Variants in MAST4 observed in about 807,000 individuals in gnomAD.
MAST4 encodes microtubule associated serine/threonine kinase family member 4, also known as microtubule-associated serine/threonine-protein kinase 4.
In MAST4, 89 loss-of-function variants were observed where a neutral mutation model predicts 162.7. That is an observed-to-expected ratio of 0.55 (90% confidence interval 0.46 to 0.65). The LOEUF (loss-of-function observed/expected upper bound fraction) is 0.65. Ranked by LOEUF, MAST4 falls within the 30% of genes least tolerant of loss-of-function variation. The probability of loss-of-function intolerance (pLI) is 0.00; values close to 1 mark genes in which losing one functional copy is unlikely to be tolerated. For missense variants in MAST4, 3,153 were observed against 3,374.0 expected, an observed-to-expected ratio of 0.93 and a Z score of 1.62; for synonymous variants, 1,479 against 1,361.1, an observed-to-expected ratio of 1.09 and a Z score of -1.91.
chr5:66,692,483 C>T (rs549226089), intron 1 of MAST4, among the ~76,000 whole-genome samples: 18 of 151,678 alleles, frequency 1.2e-4, no homozygotes, highest in Admixed American at 4.6e-4. Context: ...GGGAATAGCC[C>T]ATGTTCATCT....
chr5:67,033,311 T>TTGTGTG (rs1441631112), intron 4 of MAST4, among the ~76,000 whole-genome samples: 5 of 87,760 alleles, frequency 5.7e-5, no homozygotes, highest in Non-Finnish European at 1.1e-4. Flanking sequence ...GGGTTTTCAT[T>TTGTGTG]TCTCTGTGTG....
Position 67,102,529 on chromosome 5 carries a change from C to CT in MAST4, c.1071-5dup. ...AAGTTTAAAAGGGTAATTTGCTTTG[C>CT]TTGCAGCCCTGGACGTTCTCCCGCC... On this transcript the variant is annotated splice_polypyrimidine_tract_variant and splice_region_variant and intron_variant, in intron 8 of 28. Coordinates refer to ENST00000403625, the MANE Select transcript of MAST4 (RefSeq NM_001164664.2). The CT allele has an allele frequency of 1.2e-6, 2 of 1,613,602 alleles. No homozygotes were observed. The highest frequency in any genetic ancestry group is 1.7e-6 in the Non-Finnish European group (2 of 1,179,558).
chr5:67,058,182 C>T (rs1759092239), intron 5 of MAST4, among the ~76,000 whole-genome samples: 1 of 152,246 alleles, frequency 6.6e-6, no homozygotes, highest in African/African-American at 2.4e-5. Context: ...CTGCAGTGAG[C>T]TATAATGGTG....
chr5:66,855,007 A>C (rs1318310382), intron 3 of MAST4, among the ~76,000 whole-genome samples: 1 of 152,148 alleles, frequency 6.6e-6, no homozygotes, highest in African/African-American at 2.4e-5. Context: ...CATCCTGTTT[A>C]TTTTTGTGTC....
chr5:66,604,332 C>T (rs1742739572), intron 1 of MAST4, among the ~76,000 whole-genome samples: 2 of 152,218 alleles, frequency 1.3e-5, no homozygotes, highest in South Asian at 2.1e-4. Flanking sequence ...CATCAATTCC[C>T]CTCTCAGACA....
intron 1 of MAST4, among the ~76,000 whole-genome samples, chr5:66,720,648 A>G (rs957634770): frequency 3.3e-5 from 5 of 152,104 alleles, no homozygotes; most frequent in African/African-American, 1.2e-4. Flanking sequence ...TGATCTTTTC[A>G]AAGAACCAGC....
intron 1 of MAST4, among the ~76,000 whole-genome samples, chr5:66,696,161 T>TGGGG (rs1749384574): frequency 6.6e-6 from 1 of 151,598 alleles, no homozygotes; most frequent in African/African-American, 2.4e-5. Context: ...TGAGAACACA[T>TGGGG]GGGGATATGG....
At chr5:66,994,146 G>C (rs937060492) in intron 4 of MAST4, among the ~76,000 whole-genome samples, 3 of 151,550 alleles carry the variant, frequency 2.0e-5, no homozygotes, top group Non-Finnish European at 4.4e-5. Context: ...GGAAGGAACG[G>C]TACCGCATTA....
intron 3 of MAST4, among the ~76,000 whole-genome samples, chr5:66,856,784 G>C (rs1326175193): frequency 6.6e-6 from 1 of 152,172 alleles, no homozygotes; most frequent in Non-Finnish European, 1.5e-5. Context: ...AAATTAGACT[G>C]TCCTCTTGTT....
chr5:66,946,033 T>C (rs1743989432), intron 4 of MAST4, among the ~76,000 whole-genome samples: 1 of 152,130 alleles, frequency 6.6e-6, no homozygotes, highest in Non-Finnish European at 1.5e-5. Context: ...CATCTTGAGT[T>C]CTCTCACGTT....
chr5:66,675,500 C>G (rs899787582), intron 1 of MAST4, among the ~76,000 whole-genome samples: 2 of 152,066 alleles, frequency 1.3e-5, no homozygotes, highest in Non-Finnish European at 2.9e-5. Context: ...TGAACTCCCC[C>G]ACAAGTCTCA....
Position 66,802,460 on chromosome 5 carries a change from A to G in MAST4, c.642+13666A>G, listed in dbSNP as rs568287532. Among the ~76,000 whole-genome samples, 3 of 152,292 alleles carry G rather than the reference A, an allele frequency of 2.0e-5. No homozygotes were observed. The East Asian group carries it at 5.8e-4, about 29-fold the overall frequency. ...GTGTTCTTAGTCTACCCTCTATTAC[A>G]GTTCTTAAAAAAACTATAGCATTTC... On this transcript the variant is annotated intron_variant, in intron 3 of 28. Coordinates refer to ENST00000403625, the MANE Select transcript of MAST4 (RefSeq NM_001164664.2).
At chr5:66,947,901 A>T (rs1039486731) in intron 4 of MAST4, among the ~76,000 whole-genome samples, 1 of 152,226 alleles carries the variant, frequency 6.6e-6, no homozygotes, top group Non-Finnish European at 1.5e-5. Context: ...GTGAAGATAC[A>T]TTAATACTTA....
At chr5:67,133,407 G>A (rs999809129) in intron 16 of MAST4, 107 bp from the exon 17 acceptor site, 2 of 1,219,638 alleles carry the variant, frequency 1.6e-6, no homozygotes, top group African/African-American at 1.5e-5. Flanking sequence ...TAAGCTTGAT[G>A]CCCATATATT....
intron 3 of MAST4, among the ~76,000 whole-genome samples, chr5:66,833,670 A>G (rs1233550523): frequency 1.3e-5 from 2 of 152,206 alleles, no homozygotes; most frequent in Admixed American, 6.5e-5. Context: ...TCTGCTTATT[A>G]GAGATTAATG....
At chr5:67,052,561 C>A (rs1758319493) in intron 4 of MAST4, among the ~76,000 whole-genome samples, 1 of 151,806 alleles carries the variant, frequency 6.6e-6, no homozygotes, top group African/African-American at 2.4e-5. Flanking sequence ...TTAAGTTTTT[C>A]TTAAATAACA....
intron 4 of MAST4, among the ~76,000 whole-genome samples, chr5:66,985,172 A>G (rs1029783468): frequency 6.6e-6 from 1 of 152,156 alleles, no homozygotes; most frequent in African/African-American, 2.4e-5. Context: ...GGTGATTTCA[A>G]AGAAGCGGAA....
In MAST4 at chr5:67,169,163, T is replaced by C. The variant is rs1295602429; in HGVS notation, c.*2112T>C. On this transcript the variant is annotated 3_prime_UTR_variant, in exon 29 of 29. Transcript: ENST00000403625. ...TAGTTCATGGTTTACAAGCCTTTGC[T>C]TTTTAACTGTCCAATTTCCTTTAAA... The C allele has an allele frequency of 6.6e-6, 1 of 152,262 alleles. No homozygotes were observed. The allele number at this position is 152,262 out of a possible 1,614,324, so 9.4% of individuals were successfully genotyped here.
chr5:67,039,852 C>T (rs1294732218), intron 4 of MAST4, among the ~76,000 whole-genome samples: 1 of 152,038 alleles, frequency 6.6e-6, no homozygotes, highest in Non-Finnish European at 1.5e-5. Flanking sequence ...AAAGGAATAA[C>T]ATCTTGAAAG....
Sources: gnomAD v4.1 joint callset for allele counts (sites outside exome capture counted in the v4.1 genomes callset) on GRCh38, gnomAD v4.1.1 for gene constraint, MANE v1.5 for transcripts, NCBI Gene and HGNC (gene_info 2026-07-23, HGNC 2026-07-21) for gene names.